The following ZNF503 variants were observed in gnomAD, a reference collection of about 807,000 sequenced individuals.
The protein encoded by ZNF503 is zinc finger protein 503.
A neutral mutation model predicts 34.4 loss-of-function variants in ZNF503; 15 were observed. The observed-to-expected ratio is 0.44, with a 90% confidence interval of 0.29 to 0.67. The LOEUF (loss-of-function observed/expected upper bound fraction) is 0.67. ZNF503 is among the 30% of genes least tolerant of loss of function. The pLI is 0.13. For synonymous variants in ZNF503, 580 were observed against 456.8 expected, an observed-to-expected ratio of 1.27 and a Z score of -3.44; for missense variants, 1,007 against 926.8, an observed-to-expected ratio of 1.09 and a Z score of -1.12.
chr10:75,315,442 G>A, the ZNF503 span, among the ~76,000 whole-genome samples: 1 of 152,188 alleles, frequency 6.6e-6, no homozygotes, highest in African/African-American at 2.4e-5. Flanking sequence ...GTGACATCAG[G>A]AACTTAAAAT....
chr10:75,310,987 A>C, the ZNF503 span, among the ~76,000 whole-genome samples: 1 of 152,354 alleles, frequency 6.6e-6, no homozygotes, highest in South Asian at 2.1e-4. Flanking sequence ...TAAAAAGACA[A>C]TTGTTTTAGC....
At chr10:75,282,731 G>A in the ZNF503 span, among the ~76,000 whole-genome samples, 5 of 152,256 alleles carry the variant, frequency 3.3e-5, no homozygotes, top group African/African-American at 1.2e-4. Context: ...TCCTAGTTTG[G>A]GCTCTTCCCT....
At chr10:75,331,739 G>A in the ZNF503 span, among the ~76,000 whole-genome samples, 3 of 152,128 alleles carry the variant, frequency 2.0e-5, no homozygotes, top group East Asian at 1.9e-4. Flanking sequence ...TTAAGTGATC[G>A]TCCTGCCTCA....
chr10:75,322,269 GTGCGCCACCA>G, the ZNF503 span, among the ~76,000 whole-genome samples: 8 of 151,682 alleles, frequency 5.3e-5, no homozygotes, highest in African/African-American at 1.9e-4. Context: ...GTCTACAGGT[GTGCGCCACCA>G]TGCCCTGCTA....
rs1843804811 is a variant in ZNF503, at chr10:75,401,204, C to T, written c.216G>A (p.Leu72=). 6.2e-7 allele frequency: 1 copy of T among 1,608,128 alleles called. No homozygotes were observed. The highest frequency in any genetic ancestry group is 8.5e-7 in the Non-Finnish European group (1 of 1,176,674). Residue 72 remains leucine, a synonymous_variant, in exon 1 of 2, where the codon CTG becomes CTA. Transcript: ENST00000372524. ...TCAGCATCTTCAGCACCTTGATTGG[C>T]AGGCGGTTGGCCTGGCGCAGGGGGT... ...PSDPLRQANR[L]PIKVLKMLTA...
At position 75,399,714 on chromosome 10, in the gene ZNF503, G is replaced by C; in HGVS notation, c.976C>G (p.Pro326Ala). 3 of 1,598,426 alleles carry C rather than the reference G, an allele frequency of 1.9e-6. No homozygotes were observed. Among genetic ancestry groups the C allele is most frequent in the South Asian group, 1.1e-5 (1 of 90,456 alleles). Residue 326 changes from proline (P) to alanine (A), a missense_variant, in exon 2 of 2, where the codon CCC (proline) becomes GCC (alanine). Pro to Ala is a conservative substitution (Grantham distance 27). Transcript: ENST00000372524. ...GAGCCCAACACTGAGGAGGAGGTGG[G>C]CGCGCTGGGGCCGGAGCCGGAGCTG... ...GSSSGSGPSAPTSSSVLGSGL... is the reference protein window; with the variant it reads ...GSSSGSGPSAATSSSVLGSGL...
downstream of ZNF503, among the ~76,000 whole-genome samples, chr10:75,396,047 G>C (rs777561711): frequency 2.6e-5 from 4 of 152,150 alleles, no homozygotes; most frequent in Non-Finnish European, 4.4e-5. The surrounding 1 kb of genome is among the most constrained non-coding windows in gnomAD (Gnocchi z 4.4). Context: ...CTGCTGGTGA[G>C]AGAGTGGTAG....
the ZNF503 span, among the ~76,000 whole-genome samples, chr10:75,352,960 G>A: frequency 1.3e-4 from 20 of 152,138 alleles, no homozygotes; most frequent in Non-Finnish European, 2.2e-4. Context: ...GTTCTGTAGG[G>A]GGTGTTCTAG....
the ZNF503 span, among the ~76,000 whole-genome samples, chr10:75,329,677 T>C: frequency 0.3 from 44,754 of 151,678 alleles, 7,259 homozygotes; most frequent in South Asian, 0.41. Flanking sequence ...GAGTGTTTCT[T>C]TGTTGCCCAG....
At chr10:75,334,911 T>G in the ZNF503 span, among the ~76,000 whole-genome samples, 1 of 152,226 alleles carries the variant, frequency 6.6e-6, no homozygotes, top group Non-Finnish European at 1.5e-5. Context: ...TTCTTCATGA[T>G]CTTTGTCTTC....
chr10:75,337,019 TTTAA>T, the ZNF503 span, among the ~76,000 whole-genome samples: 1 of 152,208 alleles, frequency 6.6e-6, no homozygotes, highest in Non-Finnish European at 1.5e-5. Context: ...GACTTGGGTC[TTTAA>T]TTATATCTGA....
chr10:75,318,828 T>C, the ZNF503 span, among the ~76,000 whole-genome samples: 3 of 151,868 alleles, frequency 2.0e-5, no homozygotes, highest in Admixed American at 2.0e-4. Context: ...TATGTAAAAA[T>C]ATAATAGGCT....
At chr10:75,352,410 A>G in the ZNF503 span, among the ~76,000 whole-genome samples, 1 of 137,994 alleles carries the variant, frequency 7.2e-6, no homozygotes, top group African/African-American at 2.5e-5. Context: ...CCTAGTCAAT[A>G]TCCTCTGAAG....
chr10:75,367,279 G>T, the ZNF503 span, among the ~76,000 whole-genome samples: 2 of 152,084 alleles, frequency 1.3e-5, no homozygotes, highest in South Asian at 2.1e-4. Context: ...TCTCTCACCA[G>T]CTGTCTGTTC....
Position 75,399,181 on chromosome 10 carries a change from G to C in ZNF503, c.1509C>G (p.Tyr503Ter). 6.2e-7 allele frequency: 1 copy of C among 1,609,738 alleles called. No individual in the cohort carries two copies. Among genetic ancestry groups the C allele is most frequent in the Non-Finnish European group, 8.5e-7 (1 of 1,177,442 alleles). ...PSLAGHPLYP[Y>*]GFMLPNDPLP... is the part of the protein sequence containing the mutation. ...GTGGGTCGTTAGGGAGCATAAAGCCGTAGGGGTAGAGGGGGTGGCCGGCCA... is the reference window on the plus strand; with the variant it reads ...GTGGGTCGTTAGGGAGCATAAAGCCCTAGGGGTAGAGGGGGTGGCCGGCCA... The change falls in exon 2 of 2, where the codon TAC becomes TAG. Residue 503 changes from tyrosine (Y) to a stop codon, truncating the protein, a stop_gained. Transcript: ENST00000372524. LOFTEE classifies it high-confidence loss of function.
the ZNF503 span, among the ~76,000 whole-genome samples, chr10:75,319,685 G>A: frequency 4.5e-4 from 68 of 152,248 alleles, no homozygotes; most frequent in Non-Finnish European, 7.4e-5. Context: ...ATAATTAAAA[G>A]ACAGAGATTG....
At chr10:75,342,298 A>T in the ZNF503 span, among the ~76,000 whole-genome samples, 1 of 152,024 alleles carries the variant, frequency 6.6e-6, no homozygotes, top group Non-Finnish European at 1.5e-5. Flanking sequence ...TTCAGCTCCC[A>T]CTTGTTTTTT....
the ZNF503 span, among the ~76,000 whole-genome samples, chr10:75,359,877 G>A: frequency 1.3e-4 from 20 of 152,256 alleles, no homozygotes; most frequent in African/African-American, 3.6e-4. Context: ...TCAGGAACCT[G>A]AGAGTGAAGC....
chr10:75,338,672 G>T, the ZNF503 span, among the ~76,000 whole-genome samples: 4 of 152,184 alleles, frequency 2.6e-5, no homozygotes, highest in African/African-American at 9.7e-5. Flanking sequence ...GTCTGGGAAG[G>T]TGCCTGAGAT....
Sources: allele counts gnomAD v4.1 joint callset (sites outside exome capture counted in the v4.1 genomes callset), GRCh38; gene constraint gnomAD v4.1.1; non-coding constraint Gnocchi (gnomAD v3.1); transcripts MANE v1.5; gene names NCBI Gene and HGNC (gene_info 2026-07-23, HGNC 2026-07-21).